Variants in GALNT8 observed in about 807,000 individuals in gnomAD.
GALNT8 encodes probable polypeptide N-acetylgalactosaminyltransferase 8.
In GALNT8, 66 loss-of-function variants were observed where a neutral mutation model predicts 62.7. The ratio of observed to expected loss-of-function variants is 1.05; its 90% CI spans 0.86 to 1.29. The LOEUF (loss-of-function observed/expected upper bound fraction) is 1.29. GALNT8 is among the 50% of genes most tolerant of loss of function. GALNT8 has a pLI of 0.00. For synonymous variants in GALNT8, 288 were observed against 294.3 expected, an observed-to-expected ratio of 0.98 and a Z score of 0.22; for missense variants, 771 against 791.8, an observed-to-expected ratio of 0.97 and a Z score of 0.32.
chr12:4,767,486 A>T (rs182705149), intron 10 of GALNT8, among the ~76,000 whole-genome samples: 36 of 152,348 alleles, frequency 2.4e-4, no homozygotes, highest in Middle Eastern at 6.8e-3. Flanking sequence ...TGTGAGGAAG[A>T]GGGAGCAGAT....
chr12:4,766,284 C>G (rs749342353), intron 10 of GALNT8, among the ~76,000 whole-genome samples: 59 of 152,084 alleles, frequency 3.9e-4, no homozygotes, highest in South Asian at 6.2e-4. Flanking sequence ...GGGCACAAGT[C>G]CTAGCTCAGT....
rs1946313936 is a variant in GALNT8, at chr12:4,749,543, C to T, written c.1173+3285C>T. Among the ~76,000 whole-genome samples the T allele has an allele frequency of 6.6e-6, 1 of 151,846 alleles. No homozygotes were observed. Among genetic ancestry groups the T allele is most frequent in the African/African-American group, 2.4e-5 (1 of 41,366 alleles). ...ATGAATGACCTTTCTAATGTATTGT[C>T]AAATTCAGTTTGCTAATATTTTGTT... is the stretch of plus-strand genomic sequence containing the variant. On this transcript the variant is annotated intron_variant, in intron 6 of 10. Transcript: ENST00000252318. This position sits in a 1 kb window ranked among gnomAD's most constrained non-coding sequence, Gnocchi z 4.1.
intron 6 of GALNT8, among the ~76,000 whole-genome samples, chr12:4,753,414 G>A (rs952352696): frequency 6.6e-6 from 1 of 152,072 alleles, no homozygotes; most frequent in African/African-American, 2.4e-5. Context: ...CTGTCCTCAA[G>A]CTTACTGATT....
chr12:4,727,743 G>GCATTTCCTTTATC (rs1345066884), intron 2 of GALNT8, among the ~76,000 whole-genome samples: 2 of 151,962 alleles, frequency 1.3e-5, no homozygotes, highest in Non-Finnish European at 2.9e-5. Context: ...TATACCTACC[G>GCATTTCCTTTATC]CATTTCCTTT....
chr12:4,745,711 A>T, intron 5 of GALNT8, 85 bp downstream of exon 5: 2 of 1,013,606 alleles, frequency 2.0e-6, no homozygotes, highest in Non-Finnish European at 3.1e-6. Context: ...CTTTGGTGGT[A>T]GTAATTGGGG....
chr12:4,722,888 T>A (rs1283071892), intron 1 of GALNT8, among the ~76,000 whole-genome samples: 1 of 147,110 alleles, frequency 6.8e-6, no homozygotes, highest in Non-Finnish European at 1.5e-5. Flanking sequence ...AGAAGGGAGA[T>A]GAGAGAGGAG....
chr12:4,727,499 G>A (rs1006520245), intron 2 of GALNT8, among the ~76,000 whole-genome samples: 2 of 152,110 alleles, frequency 1.3e-5, no homozygotes. Context: ...GCTTTAGCAG[G>A]CCCTCCACAT....
At chr12:4,733,067 A>C (rs149416424) in intron 2 of GALNT8, among the ~76,000 whole-genome samples, 2 of 152,144 alleles carry the variant, frequency 1.3e-5, no homozygotes, top group African/African-American at 4.8e-5. Context: ...CAACCAACAA[A>C]TACTTTTTCA....
At chr12:4,727,903 TATG>T (rs1367091361) in intron 2 of GALNT8, among the ~76,000 whole-genome samples, 1 of 152,208 alleles carries the variant, frequency 6.6e-6, no homozygotes, top group African/African-American at 2.4e-5. Context: ...TGCTGGGCCA[TATG>T]ATAATTCTGT....
intron 10 of GALNT8, among the ~76,000 whole-genome samples, chr12:4,767,983 A>G (rs1946407121): frequency 6.6e-6 from 1 of 152,180 alleles, no homozygotes; most frequent in South Asian, 2.1e-4. Context: ...TCCCCTTTAA[A>G]GAAGATTTTT....
At chr12:4,748,485 C>T (rs1034068385) in intron 6 of GALNT8, among the ~76,000 whole-genome samples, 12 of 152,078 alleles carry the variant, frequency 7.9e-5, no homozygotes, top group African/African-American at 2.4e-4. Flanking sequence ...ACTGTCTTTT[C>T]CCCAGTGTGT....
At chr12:4,765,312 G>A (rs1565390434) in intron 9 of GALNT8, 67 bp from the exon 10 acceptor site, 1 of 1,401,902 alleles carries the variant, frequency 7.1e-7, no homozygotes, top group Non-Finnish European at 9.4e-7. Flanking sequence ...CTCGGGCTAG[G>A]GTCTCCTGCT....
At chr12:4,759,031 C>T (rs190927880) in intron 6 of GALNT8, among the ~76,000 whole-genome samples, 18 of 152,238 alleles carry the variant, frequency 1.2e-4, no homozygotes, top group Admixed American at 9.2e-4. Flanking sequence ...CTGCCTCGGC[C>T]TCCCAAATTG....
chr12:4,770,275 C>T (rs1170058791), intron 10 of GALNT8, among the ~76,000 whole-genome samples: 1 of 150,666 alleles, frequency 6.6e-6, no homozygotes, highest in African/African-American at 2.4e-5. Context: ...GCACTCTATC[C>T]TGGACAACAG....
Position 4,720,642 on chromosome 12 carries a change from C to A in GALNT8, c.-36C>A. Reference sequence around the variant, plus strand: ...TAACCTGCTCCAGCAGTGACACACTCAGTCCCACAGGGAGTGGACGACCCC... The same window carrying A: ...TAACCTGCTCCAGCAGTGACACACTAAGTCCCACAGGGAGTGGACGACCCC... On this transcript the variant is annotated 5_prime_UTR_variant, in exon 1 of 11. Transcript: ENST00000252318. 7.8e-7 allele frequency: 1 copy of A among 1,285,992 alleles called. No individual in the cohort carries two copies. The highest frequency in any genetic ancestry group is 1.1e-6 in the Non-Finnish European group (1 of 880,418). 79.7% of individuals were successfully genotyped at this position (1,285,992 alleles called of 1,614,324 possible). A position where few individuals can be genotyped will look rare whatever the true frequency, so the allele number is the denominator to read the frequency against.
Position 4,744,676 on chromosome 12 carries a change from C to T in GALNT8, c.836C>T (p.Ala279Val). 2 of 1,612,158 alleles carry T rather than the reference C, an allele frequency of 1.2e-6. No homozygotes were observed. The highest frequency in any genetic ancestry group is 2.2e-5 in the East Asian group (1 of 44,860). The stretch of plus-strand genomic sequence containing the variant: ...GCAGACGTGGTCGCCATCTTGGATG[C>T]TCACATTGAAGTCAATGTTGGGTGG... ...ATADVVAILDAHIEVNVGWAE... is the reference protein window; with the variant it reads ...ATADVVAILDVHIEVNVGWAE... The change falls in exon 4 of 11, where the codon GCT becomes GTT. Residue 279 changes from alanine to valine, a missense_variant. By Grantham distance (64) the Ala-to-Val change is moderately conservative (BLOSUM62 0). Coordinates refer to ENST00000252318, the MANE Select transcript of GALNT8 (RefSeq NM_017417.2).
intron 1 of GALNT8, among the ~76,000 whole-genome samples, chr12:4,723,654 T>C (rs1946180990): frequency 6.6e-6 from 1 of 152,162 alleles, no homozygotes; most frequent in African/African-American, 2.4e-5. Flanking sequence ...TGCTCCCACA[T>C]TTTATTCGCT....
chr12:4,741,319 G>A (rs541882161), intron 3 of GALNT8, among the ~76,000 whole-genome samples: 4 of 151,956 alleles, frequency 2.6e-5, no homozygotes, highest in South Asian at 4.2e-4. Flanking sequence ...GCAAAATTCC[G>A]CTGAAAACCA....
intron 6 of GALNT8, among the ~76,000 whole-genome samples, chr12:4,753,971 G>A (rs919124310): frequency 1.3e-5 from 2 of 152,140 alleles, no homozygotes; most frequent in African/African-American, 2.4e-5. Flanking sequence ...GATAAGATCC[G>A]GGAGAATCCT....
Sources: allele counts gnomAD v4.1 joint callset (sites outside exome capture counted in the v4.1 genomes callset), GRCh38; gene constraint gnomAD v4.1.1; non-coding constraint Gnocchi (gnomAD v3.1); transcripts MANE v1.5; gene names NCBI Gene and HGNC (gene_info 2026-07-23, HGNC 2026-07-21).